PLEKHG6: variants seen among roughly 807,000 people sequenced by gnomAD.
The protein encoded by PLEKHG6 is pleckstrin homology and RhoGEF domain containing G6.
Under a neutral mutation model 97.5 loss-of-function variants are expected in PLEKHG6, and 91 were observed. The ratio of observed to expected loss-of-function variants is 0.93; its 90% CI spans 0.79 to 1.11. The LOEUF (loss-of-function observed/expected upper bound fraction) is 1.11. Ranked by LOEUF, PLEKHG6 falls within the 50% of genes most tolerant of loss-of-function variation. The pLI is 0.00. For synonymous variants in PLEKHG6, 466 were observed against 425.5 expected, an observed-to-expected ratio of 1.10 and a Z score of -1.17; for missense variants, 1,044 against 1,031.0, an observed-to-expected ratio of 1.01 and a Z score of -0.17.
chr12:6,325,205 G>A (rs748518555), intron 13 of PLEKHG6, among the ~76,000 whole-genome samples: 28 of 128,600 alleles, frequency 2.2e-4, no homozygotes, highest in Non-Finnish European at 4.0e-4. Context: ...GCCAACAACC[G>A]ACCTTCTGTA....
Position 6,318,004 on chromosome 12 carries a change from CA to C in PLEKHG6, c.1155+13del. 6.3e-7 allele frequency: 1 copy of C among 1,583,342 alleles called. No homozygotes were observed. The highest frequency in any genetic ancestry group is 8.6e-7 in the Non-Finnish European group (1 of 1,164,120). On this transcript the variant is annotated intron_variant, in intron 10 of 15. Coordinates refer to ENST00000684764, the MANE Select transcript of PLEKHG6 (RefSeq NM_001384598.1). ...TGATGAGGTGGAGAAGGTGAGAGGG[CA>C]AAGGGAAGGGACCCAGGAAAAGCAA...
chr12:6,319,809 C>A, intron 13 of PLEKHG6: 1 of 761,536 alleles, frequency 1.3e-6, no homozygotes, highest in Non-Finnish European at 2.0e-6. Flanking sequence ...CATTCCTGCC[C>A]TCAAGGCCTA....
In PLEKHG6 at chr12:6,315,390, G is replaced by T. The variant is rs1947419635; in HGVS notation, c.460-164G>T. 6.6e-6 allele frequency among the ~76,000 whole-genome samples: 1 copy of T among 152,180 alleles called. No homozygotes were observed. The highest frequency in any genetic ancestry group is 1.5e-5 in the Non-Finnish European group (1 of 68,042). ...CTCAGTTGCCACATATGTAAAGTGG[G>T]GATAATACCACCTACACATCAGAGC... On this transcript the variant is annotated intron_variant, in intron 4 of 15. Transcript: ENST00000684764. This position sits in a 1 kb window ranked among gnomAD's most constrained non-coding sequence, Gnocchi z 4.5.
intron 13 of PLEKHG6, among the ~76,000 whole-genome samples, chr12:6,321,990 G>A (rs781101017): frequency 6.6e-6 from 1 of 151,872 alleles, no homozygotes; most frequent in African/African-American, 2.4e-5. Context: ...CTTCAATTTC[G>A]TCATCTGCAA....
At chr12:6,318,076 C>A in intron 10 of PLEKHG6, 82 bp downstream of exon 10, 1 of 1,467,042 alleles carries the variant, frequency 6.8e-7, no homozygotes, top group Non-Finnish European at 9.2e-7. Context: ...GGCCAGAACA[C>A]CCCGTACTTG....
rs368211741 is a variant in PLEKHG6 at position 6,318,448 on chromosome 12, G to A, written c.1275+28G>A. 1.1e-4 allele frequency: 180 copies of A among 1,580,188 alleles called. No homozygotes were observed. The African/African-American group carries it at 2.1e-3, about 19-fold the overall frequency. On this transcript the variant is annotated intron_variant, in intron 11 of 15. Coordinates refer to ENST00000684764, the MANE Select transcript of PLEKHG6 (RefSeq NM_001384598.1). ...GAGGGTGCTGCGGACAGAGTGGAGGGGATGGGGCACGGTGGGAGAAGGTAA... is the reference window on the plus strand; with the variant it reads ...GAGGGTGCTGCGGACAGAGTGGAGGAGATGGGGCACGGTGGGAGAAGGTAA...
chr12:6,323,669 T>C (rs1329754467), intron 13 of PLEKHG6, among the ~76,000 whole-genome samples: 3 of 152,172 alleles, frequency 2.0e-5, no homozygotes, highest in African/African-American at 7.2e-5. Flanking sequence ...CAGCCGAGGC[T>C]AAGAGCCAGG....
chr12:6,312,112 T>G, intron 1 of PLEKHG6, 47 bp from the exon 2 acceptor site: 4 of 838,892 alleles, frequency 4.8e-6, no homozygotes, highest in Non-Finnish European at 6.8e-6. Context: ...CCTGGTGCCA[T>G]TCACTGATTG....
At position 6,316,455 on chromosome 12, in the gene PLEKHG6, G is replaced by A. The variant is rs763984931; in HGVS notation, c.756+51G>A. On this transcript the variant is annotated intron_variant, in intron 7 of 15. Transcript: ENST00000684764. This position sits in a 1 kb window ranked among gnomAD's most constrained non-coding sequence, Gnocchi z 4.1. ...GGATGGGGCAGGACTCGGAGCCCTCGGGGGTCCTGTGTGTAGGGCATGCCC... is the reference window on the plus strand; with the variant it reads ...GGATGGGGCAGGACTCGGAGCCCTCAGGGGTCCTGTGTGTAGGGCATGCCC... The A allele has an allele frequency of 1.5e-5, 23 of 1,499,756 alleles. No individual in the cohort carries two copies. Among genetic ancestry groups the A allele is most frequent in the African/African-American group, 2.8e-5 (2 of 71,958 alleles). The allele number at this position is 1,499,756 out of a possible 1,614,324, so 92.9% of individuals were successfully genotyped here. A position where few individuals can be genotyped will look rare whatever the true frequency, so the allele number is the denominator to read the frequency against.
rs1410037360 is a variant in PLEKHG6 at position 6,314,823 on chromosome 12, G to A, written c.295-182G>A. Among the ~76,000 whole-genome samples the A allele has an allele frequency of 3.3e-5, 5 of 152,080 alleles. No individual in the cohort carries two copies. In the East Asian group the frequency reaches 7.7e-4, roughly 23 times the overall value. ...TTTCCCTGGAATTCCAGCTGGGGCC[G>A]ACCCCTGTTCTCTAGGCCTCCATGT... On this transcript the variant is annotated intron_variant, in intron 3 of 15. Transcript: ENST00000684764.
At position 6,315,760 on chromosome 12, in the gene PLEKHG6, T is replaced by C; in HGVS notation, c.556-109T>C. On this transcript the variant is annotated intron_variant, in intron 5 of 15. Transcript: ENST00000684764. The surrounding 1 kb of genome is among the most constrained non-coding windows in gnomAD (Gnocchi z 4.5). The stretch of plus-strand genomic sequence containing the variant: ...AGGGAGGGGCAGGATTTCAGGCCAG[T>C]CTGGGATGCAGGGAGATAGGTCAGC... 1 of 1,231,836 alleles carries C rather than the reference T, an allele frequency of 8.1e-7. No individual in the cohort carries two copies. Among genetic ancestry groups the C allele is most frequent in the Non-Finnish European group, 1.1e-6 (1 of 872,564 alleles). 76.3% of individuals were successfully genotyped at this position (1,231,836 alleles called of 1,614,324 possible).
At position 6,315,139 on chromosome 12, in the gene PLEKHG6, G is replaced by GTCC; in HGVS notation, c.431_433dup (p.Ser144dup). On this transcript the variant is annotated inframe_insertion, in exon 4 of 16. Transcript: ENST00000684764. The surrounding 1 kb of genome is among the most constrained non-coding windows in gnomAD (Gnocchi z 4.5). Reference sequence around the variant, plus strand: ...GCGACAGTGGCCTGACCATCGAGAAGTCCTGGAGGGAGCTGGTGCCTGGGC... The same window carrying GTCC: ...GCGACAGTGGCCTGACCATCGAGAAGTCCTCCTGGAGGGAGCTGGTGCCTGGGC... 6.2e-7 allele frequency: 1 copy of GTCC among 1,612,050 alleles called. No homozygotes were observed. The highest frequency in any genetic ancestry group is 1.1e-5 in the South Asian group (1 of 91,056).
In PLEKHG6 at chr12:6,317,900, T is replaced by C. The variant is rs1295508061; in HGVS notation, c.1061T>C (p.Val354Ala). 1 of 1,558,954 alleles carries C rather than the reference T, an allele frequency of 6.4e-7. No individual in the cohort carries two copies. The highest frequency in any genetic ancestry group is 8.7e-7 in the Non-Finnish European group (1 of 1,150,752). Reference protein sequence around the residue: ...ESFLRHINGQVRQGEEQESLA... With the variant: ...ESFLRHINGQARQGEEQESLA... Reference sequence around the variant, plus strand: ...TTCCTGCGACACATCAATGGGCAGGTCCGCCAGGGCGAAGAGCAAGAGAGC... The same window carrying C: ...TTCCTGCGACACATCAATGGGCAGGCCCGCCAGGGCGAAGAGCAAGAGAGC... The change falls in exon 10 of 16, where the codon GTC becomes GCC. Residue 354 changes from valine (V) to alanine (A), a missense_variant. Val to Ala is a moderately conservative substitution (Grantham distance 64). Coordinates refer to ENST00000684764, the MANE Select transcript of PLEKHG6 (RefSeq NM_001384598.1).
chr12:6,318,047 G>C, intron 10 of PLEKHG6, 53 bp downstream of exon 10: 1 of 1,527,384 alleles, frequency 6.5e-7, no homozygotes, highest in Non-Finnish European at 8.8e-7. Context: ...AGGGATACTG[G>C]TGAAGGGGAG....
At chr12:6,311,427 G>A (rs2136708253) in intron 1 of PLEKHG6, among the ~76,000 whole-genome samples, 1 of 152,328 alleles carries the variant, frequency 6.6e-6, no homozygotes, top group East Asian at 1.9e-4. Flanking sequence ...TCAGGTAGGA[G>A]ATGGGCAAGC....
chr12:6,320,735 T>TG (rs1242533300), intron 13 of PLEKHG6, among the ~76,000 whole-genome samples: 1 of 152,106 alleles, frequency 6.6e-6, no homozygotes, highest in Non-Finnish European at 1.5e-5. Context: ...ATCTATCTTT[T>TG]GGGGGGGCCA....
At chr12:6,318,260 G>A in intron 10 of PLEKHG6, 41 bp from the exon 11 acceptor site, 1 of 1,612,786 alleles carries the variant, frequency 6.2e-7, no homozygotes, top group Non-Finnish European at 8.5e-7. Flanking sequence ...AGTCCAGGCA[G>A]ACTGCCGAGC....
intron 13 of PLEKHG6, among the ~76,000 whole-genome samples, chr12:6,323,546 C>T (rs777460589): frequency 1.3e-5 from 2 of 152,152 alleles, no homozygotes; most frequent in Non-Finnish European, 2.9e-5. Flanking sequence ...GGAGAAGAGA[C>T]TGAATCTTGG....
rs551900741 is a variant in PLEKHG6 at position 6,328,255 on chromosome 12, A to G, written c.*110A>G. ...CTACCTCAAGGACCACATTTCCCAA[A>G]GGAAGCCTGGCCCAGGCACCCTGCC... On this transcript the variant is annotated 3_prime_UTR_variant, in exon 16 of 16. Transcript: ENST00000684764. 4.0e-4 allele frequency: 474 copies of G among 1,183,426 alleles called. 2 individuals carry two copies. Among genetic ancestry groups the G allele is most frequent in the Non-Finnish European group, 5.7e-4 (460 of 801,900 alleles). The allele number at this position is 1,183,426 out of a possible 1,614,324, so 73.3% of individuals were successfully genotyped here.
Sources: allele counts gnomAD v4.1 joint callset (sites outside exome capture counted in the v4.1 genomes callset), GRCh38; gene constraint gnomAD v4.1.1; non-coding constraint Gnocchi (gnomAD v3.1); transcripts MANE v1.5; gene names NCBI Gene and HGNC (gene_info 2026-07-23, HGNC 2026-07-21).